RRP7A: variants seen among roughly 807,000 people sequenced by gnomAD.
The protein encoded by RRP7A is ribosomal RNA processing 7 homolog A, also known as ribosomal RNA-processing protein 7 homolog A.
RRP7A carries 27 observed loss-of-function variants against 38.4 expected under a neutral mutation model. That is an observed-to-expected ratio of 0.70 (90% CI 0.52 to 0.97). The LOEUF (loss-of-function observed/expected upper bound fraction) is 0.97, where lower values mean the gene tolerates loss of function less well. Among genes scored for constraint, RRP7A ranks in the 50% least tolerant of loss-of-function variants. RRP7A has a pLI of 0.00. For synonymous variants in RRP7A, 124 were observed against 150.3 expected (o/e 0.83, Z 1.28); for missense variants, 327 against 375.4 (o/e 0.87, Z 1.07).
rs182534660 is a variant in RRP7A at position 42,514,137 on chromosome 22, G to C, written c.726C>G (p.Tyr242Ter). The change falls in exon 6 of 7, where the codon TAC becomes TAG. Residue 242 changes from tyrosine to a stop codon, truncating the protein, a stop_gained. Transcript: ENST00000323013. LOFTEE classifies it high-confidence loss of function. ...TCTTGCTCTCTCGATGCTGCCAGGC[G>C]TAGAAGTTGAGCAGCTCTTTTCGGC... The part of the protein sequence containing the change: ...KRSRKELLNF[Y>*]AWQHRESKME... 1 of 1,613,292 alleles carries C rather than the reference G, an allele frequency of 6.2e-7. No homozygotes were observed. Among genetic ancestry groups the C allele is most frequent in the African/African-American group, 1.3e-5 (1 of 74,914 alleles).
At position 42,508,901 on chromosome 22, in the gene RRP7A, C is replaced by T. The variant is rs1932353875; in HGVS notation, c.*4009G>A. The stretch of plus-strand genomic sequence containing the variant: ...TGAGGCAGTGATGTGGGGTCCTGGG[C>T]TCAGACCCAGGGTGGGTGGCTAAGG... On this transcript the variant is annotated 3_prime_UTR_variant, in exon 7 of 7. Coordinates refer to ENST00000323013, the MANE Select transcript of RRP7A (RefSeq NM_015703.5). 3 of 1,301,312 alleles carry T rather than the reference C, an allele frequency of 2.3e-6. No homozygotes were observed. Among genetic ancestry groups the T allele is most frequent in the Admixed American group, 2.0e-5 (1 of 49,052 alleles). 80.6% of individuals were successfully genotyped at this position (1,301,312 alleles called of 1,614,324 possible). A position where few individuals can be genotyped will look rare whatever the true frequency, so the allele number is the denominator to read the frequency against.
At chr22:42,514,016 A>G (rs1435181990) in intron 6 of RRP7A, 90 bp downstream of exon 6, 5 of 1,146,600 alleles carry the variant, frequency 4.4e-6, no homozygotes, top group African/African-American at 1.5e-5. Flanking sequence ...CACCAAGTCC[A>G]GCGCCCGCCC....
chr22:42,510,128 C>T lies in RRP7A; in HGVS notation c.*2782G>A, dbSNP rs1324749990. The T allele has an allele frequency of 1.3e-5, 2 of 152,226 alleles. No individual in the cohort carries two copies. The highest frequency in any genetic ancestry group is 4.8e-5 in the African/African-American group (2 of 41,394). 9.4% of individuals were successfully genotyped at this position (152,226 alleles called of 1,614,324 possible). On this transcript the variant is annotated 3_prime_UTR_variant, in exon 7 of 7. Transcript: ENST00000323013. ...TACAGGCACCCACCACCAAGCCCGG[C>T]TAATTTTTGTATTTTTAGTACAGAC...
rs1243889520 is a variant in RRP7A at position 42,515,198 on chromosome 22, G to T, written c.413C>A (p.Pro138His). The stretch of plus-strand genomic sequence containing the variant: ...GTGGCTCTCTGTGGACACCAGCAGG[G>T]GGCCCTTCAGGGCCAAGGCCGCTGA... ...GVSAALALKGPLLVSTESHPV... is the reference protein window; with the variant it reads ...GVSAALALKGHLLVSTESHPV... Residue 138 changes from proline (P) to histidine (H), a missense_variant, in exon 4 of 7, where the codon CCC becomes CAC. This residue lies in a region of RRP7A where 2 missense variants were observed against 30.8 expected (regional missense o/e 0.06). Coordinates refer to ENST00000323013, the MANE Select transcript of RRP7A (RefSeq NM_015703.5). The T allele has an allele frequency of 4.4e-6, 6 of 1,374,254 alleles. No homozygotes were observed. Among genetic ancestry groups the T allele is most frequent in the Non-Finnish European group, 6.0e-6 (6 of 995,972 alleles). The allele number at this position is 1,374,254 out of a possible 1,614,324, so 85.1% of individuals were successfully genotyped here.
chr22:42,517,997 T>C lies in RRP7A; in HGVS notation c.216+8A>G, dbSNP rs373383627. ...CACAGGTCTCCTCCCAGACAGACACTAGCTCACCTCTGTGCAGTATGGGGG... is the reference window on the plus strand; with the variant it reads ...CACAGGTCTCCTCCCAGACAGACACCAGCTCACCTCTGTGCAGTATGGGGG... On this transcript the variant is annotated splice_region_variant and intron_variant, in intron 2 of 6. Coordinates refer to ENST00000323013, the MANE Select transcript of RRP7A (RefSeq NM_015703.5). The C allele has an allele frequency of 2.3e-5, 37 of 1,611,404 alleles. No homozygotes were observed. The African/African-American group carries it at 4.7e-4, about 20-fold the overall frequency.
At position 42,514,166 on chromosome 22, in the gene RRP7A, G is replaced by A. The variant is rs868201866; in HGVS notation, c.697C>T (p.Arg233Cys). 6.2e-6 allele frequency: 10 copies of A among 1,613,102 alleles called. No homozygotes were observed. In the Admixed American group the frequency reaches 1.2e-4, roughly 19 times the overall value. ...LRVLERERRK[R>C]SRKELLNFYA... ...AAGTTGAGCAGCTCTTTTCGGCTGC[G>A]CTTCCGTCTCTCCCTCTCCAGCACC... Residue 233 changes from arginine to cysteine, a missense_variant, in exon 6 of 7, where the codon CGC becomes TGC. By Grantham distance (180) the Arg-to-Cys change is radical. Around this residue, in one of 5 missense-constraint regions of RRP7A, gnomAD observed 84 missense variants for 82.8 expected, o/e 1.01. Transcript: ENST00000323013.
chr22:42,516,003 C>T lies in RRP7A; in HGVS notation c.342+8G>A, dbSNP rs377526644. 911 of 1,583,288 alleles carry T rather than the reference C, an allele frequency of 5.8e-4. 4 individuals are homozygous for T. The highest frequency in any genetic ancestry group is 6.8e-4 in the Middle Eastern group (4 of 5,924). ...CACTCTAGTGGAACCCCGGGCTTGGCGGCTCACCGGAACTGGCTTGGGATG... is the reference window on the plus strand; with the variant it reads ...CACTCTAGTGGAACCCCGGGCTTGGTGGCTCACCGGAACTGGCTTGGGATG... On this transcript the variant is annotated splice_region_variant and intron_variant, in intron 3 of 6. Coordinates refer to ENST00000323013, the MANE Select transcript of RRP7A (RefSeq NM_015703.5).
chr22:42,509,189 T>G lies in RRP7A; in HGVS notation c.*3721A>C. The G allele has an allele frequency of 1.2e-6, 2 of 1,600,956 alleles. No homozygotes were observed. Among genetic ancestry groups the G allele is most frequent in the Non-Finnish European group, 1.7e-6 (2 of 1,173,056 alleles). On this transcript the variant is annotated 3_prime_UTR_variant, in exon 7 of 7. Coordinates refer to ENST00000323013, the MANE Select transcript of RRP7A (RefSeq NM_015703.5). ...GAATCTCTGGGAGGGGGCCCTGGCA[T>G]GAGGCTCCAAGTTCTCTGCGTGTCG... is the stretch of plus-strand genomic sequence containing the variant.
chr22:42,516,672 A>G (rs1206010495), intron 2 of RRP7A, among the ~76,000 whole-genome samples: 1 of 152,192 alleles, frequency 6.6e-6, no homozygotes, highest in Non-Finnish European at 1.5e-5. Context: ...CTGATTTCCT[A>G]TGACAAGTTT....
chr22:42,516,556 G>A (rs1163787870), intron 2 of RRP7A: 16 of 350,106 alleles, frequency 4.6e-5, no homozygotes, highest in South Asian at 2.2e-4. Flanking sequence ...CAGGTGATCC[G>A]CCCGCCTCGG....
At position 42,511,864 on chromosome 22, in the gene RRP7A, TCCCTGC is replaced by T. The variant is rs1340412878; in HGVS notation, c.*1040_*1045del. 1.8e-6 allele frequency: 1 copy of T among 553,538 alleles called. No individual in the cohort carries two copies. The highest frequency in any genetic ancestry group is 3.3e-6 in the Non-Finnish European group (1 of 303,136). 34.3% of individuals were successfully genotyped at this position (553,538 alleles called of 1,614,324 possible). ...CAACCCTGGCCTCGGCCCTGCCCTG[TCCCTGC>T]CATGCAACTTCACAACTCAGCTGGC... On this transcript the variant is annotated 3_prime_UTR_variant, in exon 7 of 7. Coordinates refer to ENST00000323013, the MANE Select transcript of RRP7A (RefSeq NM_015703.5).
intron 5 of RRP7A, 66 bp from the exon 6 acceptor site, chr22:42,514,370 G>A (rs9611811): frequency 0.27 from 322,679 of 1,180,846 alleles, 43,556 homozygotes; most frequent in African/African-American, 0.36. Flanking sequence ...CGCCCTCCAC[G>A]CCCTCCTCCC....
rs141505384 is a variant in RRP7A at position 42,514,716 on chromosome 22, G to A, written c.524C>T (p.Thr175Met). The part of the protein sequence containing the change: ...DPEALRVEVD[T>M]FMEAYDQKIA... Reference sequence around the variant, plus strand: ...CTTCTGGTCATATGCCTCCATGAACGTGTCCACTTCCACCCTCAGGGCCTC... The same window carrying A: ...CTTCTGGTCATATGCCTCCATGAACATGTCCACTTCCACCCTCAGGGCCTC... The change falls in exon 5 of 7, where the codon ACG (threonine) becomes ATG (methionine). Residue 175 changes from threonine to methionine, a missense_variant. Thr to Met is a moderately conservative substitution (Grantham distance 81, BLOSUM62 -1). Around this residue, in one of 5 missense-constraint regions of RRP7A, gnomAD observed 46 missense variants for 93.0 expected, o/e 0.49. Coordinates refer to ENST00000323013, the MANE Select transcript of RRP7A (RefSeq NM_015703.5). The A allele has an allele frequency of 6.3e-3, 10,098 of 1,608,544 alleles. No individual in the cohort carries two copies. The highest frequency in any genetic ancestry group is 0.039 in the Middle Eastern group (231 of 5,956).
Position 42,510,781 on chromosome 22 carries a change from C to T in RRP7A, c.*2129G>A. ...CCACTGTCGCCCACTCTGGTCCCAC[C>T]TCACCCATCTCTTCTCATGCACTGG... On this transcript the variant is annotated 3_prime_UTR_variant, in exon 7 of 7. Transcript: ENST00000323013. The T allele has an allele frequency of 5.7e-6, 8 of 1,394,524 alleles. No individual in the cohort carries two copies. The highest frequency in any genetic ancestry group is 1.5e-5 in the African/African-American group (1 of 67,964). The allele number at this position is 1,394,524 out of a possible 1,614,324, so 86.4% of individuals were successfully genotyped here. A position where few individuals can be genotyped will look rare whatever the true frequency, so the allele number is the denominator to read the frequency against.
chr22:42,514,550 C>T (rs1569260352), intron 5 of RRP7A, 132 bp downstream of exon 5: 1 of 871,938 alleles, frequency 1.1e-6, no homozygotes, highest in Non-Finnish European at 1.8e-6. Context: ...GCCCAGGATC[C>T]AGCAGGGAAA....
chr22:42,510,655 A>C lies in RRP7A; in HGVS notation c.*2255T>G. On this transcript the variant is annotated 3_prime_UTR_variant, in exon 7 of 7. Transcript: ENST00000323013. Reference sequence around the variant, plus strand: ...GAGCAGTCCACGGATATTTTGATCCAAGAGAGAATTACTCTGACAAGGAGT... The same window carrying C: ...GAGCAGTCCACGGATATTTTGATCCCAGAGAGAATTACTCTGACAAGGAGT... 7.3e-7 allele frequency: 1 copy of C among 1,377,656 alleles called. No homozygotes were observed. Among genetic ancestry groups the C allele is most frequent in the Non-Finnish European group, 1.0e-6 (1 of 992,350 alleles). 85.3% of individuals were successfully genotyped at this position (1,377,656 alleles called of 1,614,324 possible).
rs528887193 is a variant in RRP7A, at chr22:42,508,500, C to T, written c.*4410G>A. On this transcript the variant is annotated 3_prime_UTR_variant, in exon 7 of 7. Transcript: ENST00000323013. ...GCTGGCCACATCCCCGCCATCCAGACGTAAAACAGTCACAAGACAGGGCAG... is the reference window on the plus strand; with the variant it reads ...GCTGGCCACATCCCCGCCATCCAGATGTAAAACAGTCACAAGACAGGGCAG... 2.1e-4 allele frequency among the ~76,000 whole-genome samples: 32 copies of T among 152,274 alleles called. No individual in the cohort carries two copies. The highest frequency in any genetic ancestry group is 3.2e-4 in the Non-Finnish European group (22 of 68,014).
chr22:42,509,086 T>C lies in RRP7A; in HGVS notation c.*3824A>G, dbSNP rs1458171367. On this transcript the variant is annotated 3_prime_UTR_variant, in exon 7 of 7. Transcript: ENST00000323013. ...CTGTGTGCGCATTCCATCAGGAAGC[T>C]GCAGGCCCATGTCCTGTTGATCAAG... 1.9e-6 allele frequency: 3 copies of C among 1,613,870 alleles called. No individual in the cohort carries two copies. In the Admixed American group the frequency reaches 5.0e-5, roughly 27 times the overall value.
At chr22:42,518,822 G>A (rs1424512176) in intron 1 of RRP7A, 2 of 462,688 alleles carry the variant, frequency 4.3e-6, no homozygotes, top group African/African-American at 4.0e-5. Flanking sequence ...TCACACCTCC[G>A]TCACAGTACC....
Sources: gnomAD v4.1 joint callset for allele counts (sites outside exome capture counted in the v4.1 genomes callset) on GRCh38, gnomAD v4.1.1 for gene constraint, gnomAD v4.1.1 regional missense constraint, MANE v1.5 for transcripts, NCBI Gene and HGNC (gene_info 2026-07-23, HGNC 2026-07-21) for gene names.